Variants in SUMF1 observed in about 807,000 individuals in gnomAD.
SUMF1 encodes the protein formylglycine-generating enzyme.
SUMF1 carries 48 observed loss-of-function variants against 47.6 expected under a neutral mutation model. The observed-to-expected ratio is 1.01, with a 90% CI of 0.80 to 1.28. The LOEUF is 1.28. Among genes scored for constraint, SUMF1 ranks in the 50% most tolerant of loss-of-function variants. SUMF1 has a pLI of 0.00. For synonymous variants in SUMF1, 230 were observed against 192.1 expected (o/e 1.20, Z -1.63); for missense variants, 571 against 485.4 (o/e 1.18, Z -1.66).
rs150373609 is a variant in SUMF1 at position 4,211,121 on chromosome 3, T to TATATATATATAC, written c.1015-142377_1015-142376insGTATATATATAT. On this transcript the variant is annotated intron_variant and NMD_transcript_variant, in intron 8 of 12. Transcript: ENST00000448413. ...AAACTCCCATATATATATATATATA[T>TATATATATATAC]ACACACACACACACATATATACATA... Among the ~76,000 whole-genome samples, 779 of 128,278 alleles carry TATATATATATAC rather than the reference T, an allele frequency of 6.1e-3. 13 individuals are homozygous for TATATATATATAC. The highest frequency in any genetic ancestry group is 0.028 in the East Asian group (126 of 4,576). The allele number at this position is 128,278 out of a possible 152,430, so 84.2% of individuals were successfully genotyped here.
intron 8 of SUMF1, among the ~76,000 whole-genome samples, chr3:4,072,845 A>G (rs1325246661): frequency 1.3e-5 from 2 of 152,216 alleles, no homozygotes; most frequent in East Asian, 3.8e-4. Context: ...TGAAAAGACC[A>G]AACCTACGTT....
At chr3:4,325,277 T>C (rs1207173001) in intron 8 of SUMF1, among the ~76,000 whole-genome samples, 1 of 151,934 alleles carries the variant, frequency 6.6e-6, no homozygotes, top group Non-Finnish European at 1.5e-5. Flanking sequence ...ACTAGAATGA[T>C]TTATTCCTAG....
Position 4,291,953 on chromosome 3 carries a change from C to A in SUMF1, c.1014+84377G>T, listed in dbSNP as rs565800818. Among the ~76,000 whole-genome samples, 7 of 152,282 alleles carry A rather than the reference C, an allele frequency of 4.6e-5. No homozygotes were observed. The East Asian group carries it at 1.3e-3, about 29-fold the overall frequency. Reference sequence around the variant, plus strand: ...TTCAGCTACCTCATCCCAATGCTAACATGGTGTTTTAGATACAAGGTTGCT... The same window carrying A: ...TTCAGCTACCTCATCCCAATGCTAAAATGGTGTTTTAGATACAAGGTTGCT... On this transcript the variant is annotated intron_variant and NMD_transcript_variant, in intron 8 of 12. Transcript: ENST00000448413.
chr3:4,066,842 T>C (rs1435388419), intron 9 of SUMF1, among the ~76,000 whole-genome samples: 1 of 152,186 alleles, frequency 6.6e-6, no homozygotes, highest in Non-Finnish European at 1.5e-5. Context: ...TAACAGTTCC[T>C]GTGGCTTCGC....
chr3:4,335,960 C>CACAA (rs1553558764), intron 8 of SUMF1, among the ~76,000 whole-genome samples: 2 of 73,908 alleles, frequency 2.7e-5, no homozygotes, highest in Non-Finnish European at 4.6e-5. Context: ...GATTCCAACT[C>CACAA]AAAAAAAAAA....
intron 8 of SUMF1, chr3:4,312,817 G>C (rs1698463243): frequency 6.1e-6 from 9 of 1,481,764 alleles, no homozygotes; most frequent in Middle Eastern, 1.8e-4. Flanking sequence ...AATTAGAATG[G>C]GTCCCAGTCA....
intron 8 of SUMF1, among the ~76,000 whole-genome samples, chr3:4,315,071 A>T (rs1214037726): frequency 6.6e-6 from 1 of 152,196 alleles, no homozygotes; most frequent in Non-Finnish European, 1.5e-5. Context: ...ATTACATGGA[A>T]TGGTTCCCTG....
chr3:4,075,542 G>A (rs561452048), intron 8 of SUMF1, among the ~76,000 whole-genome samples: 8 of 152,200 alleles, frequency 5.3e-5, no homozygotes, highest in East Asian at 1.9e-4. Context: ...AAAAGAGGAA[G>A]TCAAATTGTC....
chr3:4,076,738 G>A (rs971231974), intron 8 of SUMF1, among the ~76,000 whole-genome samples: 11 of 152,280 alleles, frequency 7.2e-5, no homozygotes, highest in East Asian at 1.9e-4. Flanking sequence ...GGTGGCTCAC[G>A]CCTGTAATCC....
chr3:4,449,939 A>G lies in SUMF1; in HGVS notation c.445-599T>C, dbSNP rs187071229. 7.7e-4 allele frequency among the ~76,000 whole-genome samples: 117 copies of G among 152,290 alleles called. 1 individual carries two copies. Among genetic ancestry groups the G allele is most frequent in the Admixed American group, 5.0e-3 (77 of 15,306 alleles). ...TTAGGTCGTTTGTCCCTTGGTAACC[A>G]TGACTCTCCTCCTACATTTGTCAGT... On this transcript the variant is annotated intron_variant, in intron 2 of 8. Transcript: ENST00000272902.
intron 8 of SUMF1, among the ~76,000 whole-genome samples, chr3:4,304,725 T>A (rs544415663): frequency 6.6e-6 from 1 of 152,302 alleles, no homozygotes; most frequent in African/African-American, 2.4e-5. Context: ...AGATAAGAGA[T>A]TCAATAGCAG....
At chr3:4,240,811 TATATGTTTTTATATA>T (rs1243905169) in intron 8 of SUMF1, among the ~76,000 whole-genome samples, 1 of 151,896 alleles carries the variant, frequency 6.6e-6, no homozygotes, top group Non-Finnish European at 1.5e-5. Context: ...ATTTTATTTT[TATATGTTTTTATATA>T]ATATGTATTC....
At chr3:4,413,614 C>G (rs533651300) in intron 6 of SUMF1, among the ~76,000 whole-genome samples, 16 of 152,168 alleles carry the variant, frequency 1.1e-4, no homozygotes, top group African/African-American at 3.9e-4. Flanking sequence ...ACTCCTGGCA[C>G]ATTTTCAGAT....
At chr3:4,118,780 A>G (rs182799187) in intron 8 of SUMF1, among the ~76,000 whole-genome samples, 133 of 152,148 alleles carry the variant, frequency 8.7e-4, no homozygotes, top group East Asian at 7.7e-4. Context: ...ACTCTTCTTT[A>G]GTTCTCTTTC....
intron 8 of SUMF1, among the ~76,000 whole-genome samples, chr3:4,074,493 G>A (rs531819472): frequency 6.6e-6 from 1 of 152,116 alleles, no homozygotes; most frequent in Admixed American, 6.5e-5. Flanking sequence ...TAAGCTCAGA[G>A]CAGGACTAAA....
At chr3:4,160,089 C>T (rs933264599) in intron 8 of SUMF1, among the ~76,000 whole-genome samples, 2 of 152,004 alleles carry the variant, frequency 1.3e-5, no homozygotes, top group African/African-American at 2.4e-5. Context: ...AGTTAAATAT[C>T]GATATCTCTC....
chr3:4,073,797 A>C (rs1692347398), intron 8 of SUMF1, among the ~76,000 whole-genome samples: 2 of 152,192 alleles, frequency 1.3e-5, no homozygotes, highest in Admixed American at 1.3e-4. Flanking sequence ...AACTATCCTA[A>C]ATATACATGC....
chr3:4,066,057 G>C (rs1444537048), intron 9 of SUMF1, among the ~76,000 whole-genome samples: 1 of 152,018 alleles, frequency 6.6e-6, no homozygotes, highest in Non-Finnish European at 1.5e-5. Flanking sequence ...AAACCCAACA[G>C]AATGAGCCTC....
At position 4,153,399 on chromosome 3, in the gene SUMF1, A is replaced by G. The variant is rs549929919; in HGVS notation, c.1015-84654T>C. ...CTAATTTTTTATTTTTATTTTTTGT[A>G]GAGTTAGGATCTTCCTATATTGCCC... On this transcript the variant is annotated intron_variant and NMD_transcript_variant, in intron 8 of 12. Transcript: ENST00000448413. Among the ~76,000 whole-genome samples, 75 of 151,368 alleles carry G rather than the reference A, an allele frequency of 5.0e-4. 1 individual carries two copies. Among genetic ancestry groups the G allele is most frequent in the South Asian group, 2.7e-3 (13 of 4,826 alleles).
Sources: gnomAD v4.1 joint callset for allele counts (sites outside exome capture counted in the v4.1 genomes callset) on GRCh38, gnomAD v4.1.1 for gene constraint, MANE v1.5 for transcripts, NCBI Gene and HGNC (gene_info 2026-07-23, HGNC 2026-07-21) for gene names.